EYS: variants seen among roughly 807,000 people sequenced by gnomAD.
EYS encodes EGF-like photoreceptor maintenance factor.
A neutral mutation model predicts 282.1 loss-of-function variants in EYS; 250 were observed. The observed-to-expected ratio is 0.89, with a 90% CI of 0.80 to 0.98. The LOEUF (loss-of-function observed/expected upper bound fraction) is 0.98, where lower values mean the gene tolerates loss of function less well. Among genes scored for constraint, EYS ranks in the 50% least tolerant of loss-of-function variants. The pLI is 0.00. For missense variants in EYS, 4,016 were observed against 3,709.0 expected, an observed-to-expected ratio of 1.08 and a Z score of -2.15; for synonymous variants, 1,355 against 1,282.9, an observed-to-expected ratio of 1.06 and a Z score of -1.20.
intron 34 of EYS, among the ~76,000 whole-genome samples, chr6:63,989,684 T>G (rs923697116): frequency 1.3e-5 from 2 of 151,578 alleles, no homozygotes; most frequent in Admixed American, 6.6e-5. Flanking sequence ...AATCCTGCTT[T>G]TCCTCAATCT....
At chr6:64,213,713 C>T (rs1324354080) in intron 31 of EYS, among the ~76,000 whole-genome samples, 1 of 152,012 alleles carries the variant, frequency 6.6e-6, no homozygotes, top group Non-Finnish European at 1.5e-5. Flanking sequence ...AACAGTGAAA[C>T]ATTAGAGGGC....
In EYS at chr6:64,024,015, C is replaced by T. The variant is rs1037159330; in HGVS notation, c.6726-24832G>A. ...ATGCAGCTCGCCATGCCTGAGCCTCCCCCTCTCTCTGTGGGCTCCTGTGCT... is the reference window on the plus strand; with the variant it reads ...ATGCAGCTCGCCATGCCTGAGCCTCTCCCTCTCTCTGTGGGCTCCTGTGCT... On this transcript the variant is annotated intron_variant, in intron 33 of 42. Coordinates refer to ENST00000503581, the MANE Select transcript of EYS (RefSeq NM_001142800.2). 5.3e-5 allele frequency among the ~76,000 whole-genome samples: 8 copies of T among 152,316 alleles called. No homozygotes were observed. The East Asian group carries it at 1.2e-3, about 22-fold the overall frequency.
At chr6:64,622,642 A>T (rs1206862885) in intron 23 of EYS, among the ~76,000 whole-genome samples, 2 of 152,178 alleles carry the variant, frequency 1.3e-5, no homozygotes, top group Non-Finnish European at 2.9e-5. Context: ...AGTTGTTGTT[A>T]GATAAAGACA....
rs542376349 is a variant in EYS at position 63,854,088 on chromosome 6, G to C, written c.7228+10098C>G. ...AGAACTAGAAATACCACTTGACCCA[G>C]CAATCCTATTACTGGGTATATACCC... On this transcript the variant is annotated intron_variant, in intron 36 of 42. Transcript: ENST00000503581. Among the ~76,000 whole-genome samples, 4 of 152,228 alleles carry C rather than the reference G, an allele frequency of 2.6e-5. No individual in the cohort carries two copies. In the South Asian group the frequency reaches 8.3e-4, roughly 32 times the overall value.
At chr6:64,862,935 T>C (rs1330247675) in intron 19 of EYS, among the ~76,000 whole-genome samples, 2 of 152,174 alleles carry the variant, frequency 1.3e-5, no homozygotes, top group Non-Finnish European at 2.9e-5. Flanking sequence ...GTTCTCTGTA[T>C]TTATTCCATT....
At chr6:64,066,989 G>A (rs1771394887) in intron 32 of EYS, among the ~76,000 whole-genome samples, 1 of 151,778 alleles carries the variant, frequency 6.6e-6, no homozygotes, top group African/African-American at 2.4e-5. Flanking sequence ...CAAAATAATA[G>A]AGAAATATAT....
chr6:64,363,641 C>G (rs980714588), intron 29 of EYS, among the ~76,000 whole-genome samples: 9 of 151,866 alleles, frequency 5.9e-5, no homozygotes, highest in Admixed American at 5.3e-4. Context: ...AACATGTCGT[C>G]AATACACGTT....
At chr6:63,834,378 A>C (rs962694070) in intron 36 of EYS, among the ~76,000 whole-genome samples, 1 of 152,062 alleles carries the variant, frequency 6.6e-6, no homozygotes, top group Non-Finnish European at 1.5e-5. Context: ...AAACCCCATC[A>C]AAAAGTGGGT....
At chr6:64,498,573 T>A (rs1283965213) in intron 26 of EYS, among the ~76,000 whole-genome samples, 3 of 151,978 alleles carry the variant, frequency 2.0e-5, no homozygotes, top group Admixed American at 2.0e-4. Context: ...ATCATCTAGG[T>A]TTTAGGCCCC....
intron 14 of EYS, among the ~76,000 whole-genome samples, chr6:64,981,236 T>C (rs1770654979): frequency 6.6e-6 from 1 of 151,394 alleles, no homozygotes; most frequent in Admixed American, 6.6e-5. Context: ...TACGTAAAGC[T>C]ACTGAATTAG....
intron 13 of EYS, among the ~76,000 whole-genome samples, chr6:65,036,142 A>G (rs1353102334): frequency 6.6e-6 from 1 of 151,760 alleles, no homozygotes; most frequent in Admixed American, 6.6e-5. Context: ...ACATAGACCA[A>G]TGGCATAGAA....
chr6:64,838,010 TA>T (rs1765439936), intron 19 of EYS, among the ~76,000 whole-genome samples: 1 of 151,660 alleles, frequency 6.6e-6, no homozygotes, highest in African/African-American at 2.4e-5. Flanking sequence ...ATACAAACTT[TA>T]AAAAAACGAA....
intron 30 of EYS, among the ~76,000 whole-genome samples, chr6:64,251,652 A>T (rs1767222046): frequency 6.6e-6 from 1 of 152,178 alleles, no homozygotes; most frequent in South Asian, 2.1e-4. Context: ...GTTTTACTAT[A>T]AAACCAGTAT....
At chr6:63,983,333 A>T (rs1359042209) in intron 35 of EYS, among the ~76,000 whole-genome samples, 1 of 151,518 alleles carries the variant, frequency 6.6e-6, no homozygotes, top group African/African-American at 2.4e-5. Flanking sequence ...TGCCTTTTTT[A>T]TTTTTTTCAA....
chr6:64,196,221 A>G (rs1318405055), intron 31 of EYS, among the ~76,000 whole-genome samples: 1 of 152,326 alleles, frequency 6.6e-6, no homozygotes, highest in Admixed American at 6.5e-5. Context: ...TTAGAATGGC[A>G]ATCATTAAAA....
intron 26 of EYS, among the ~76,000 whole-genome samples, chr6:64,543,021 C>T (rs974691248): frequency 1.3e-5 from 2 of 152,118 alleles, no homozygotes; most frequent in African/African-American, 2.4e-5. Context: ...AATGCTGTTA[C>T]AGCTTTATAA....
At chr6:64,188,692 T>C (rs935553274) in intron 31 of EYS, among the ~76,000 whole-genome samples, 4 of 152,168 alleles carry the variant, frequency 2.6e-5, no homozygotes, top group East Asian at 3.9e-4. Context: ...ACCTGTCTTA[T>C]TGACCTTTAA....
intron 12 of EYS, among the ~76,000 whole-genome samples, chr6:65,067,656 A>C: frequency 6.6e-6 from 1 of 152,034 alleles, no homozygotes; most frequent in East Asian, 1.9e-4. Flanking sequence ...GAGACACCTA[A>C]AAAATAGAAG....
chr6:65,481,606 T>A (rs141846727), intron 5 of EYS, among the ~76,000 whole-genome samples: 1,643 of 152,332 alleles, frequency 0.011, 27 homozygotes, highest in African/African-American at 0.037. Flanking sequence ...TGAAGTGCAG[T>A]GGCGCGATCT....
Sources: gnomAD v4.1 joint callset for allele counts (sites outside exome capture counted in the v4.1 genomes callset) on GRCh38, gnomAD v4.1.1 for gene constraint, MANE v1.5 for transcripts, NCBI Gene and HGNC (gene_info 2026-07-23, HGNC 2026-07-21) for gene names.